PCDHA10: variants seen among roughly 807,000 people sequenced by gnomAD.
PCDHA10 encodes protocadherin alpha 10, also known as protocadherin alpha-10.
PCDHA10 carries 45 observed loss-of-function variants against 61.2 expected under a neutral mutation model. The ratio of observed to expected loss-of-function variants is 0.74; its 90% CI spans 0.58 to 0.94. The LOEUF is 0.94. PCDHA10 is among the 40% of genes least tolerant of loss of function. The probability of loss-of-function intolerance (pLI) is 0.00; values close to 1 mark genes in which losing one functional copy is unlikely to be tolerated. For missense variants in PCDHA10, 1,278 were observed against 1,236.2 expected, an observed-to-expected ratio of 1.03 and a Z score of -0.51; for synonymous variants, 602 against 548.8, an observed-to-expected ratio of 1.10 and a Z score of -1.35.
chr5:140,960,111 A>G (rs1554224465), intron 1 of PCDHA10, among the ~76,000 whole-genome samples: 1 of 152,256 alleles, frequency 6.6e-6, no homozygotes, highest in African/African-American at 2.4e-5. Flanking sequence ...TGTGGGAACA[A>G]TAGTATTCCT....
intron 1 of PCDHA10, chr5:140,966,581 G>A: frequency 1.9e-6 from 1 of 535,414 alleles, no homozygotes; most frequent in Non-Finnish European, 3.0e-6. Flanking sequence ...AGTCAGCGAG[G>A]ACGGTGGGGC....
chr5:140,970,933 G>T (rs782607345), intron 1 of PCDHA10, among the ~76,000 whole-genome samples: 6 of 152,176 alleles, frequency 3.9e-5, no homozygotes, highest in African/African-American at 9.7e-5. Context: ...CCTGGTGTTA[G>T]TCAATGCTGA....
At chr5:140,929,322 C>T in intron 1 of PCDHA10, 1 of 1,540,684 alleles carries the variant, frequency 6.5e-7, no homozygotes, top group Non-Finnish European at 8.8e-7. Context: ...ATGTCAATGC[C>T]ATGGTAAGCA....
At chr5:141,003,543 C>T (rs2098129407) in intron 3 of PCDHA10, among the ~76,000 whole-genome samples, 1 of 152,108 alleles carries the variant, frequency 6.6e-6, no homozygotes, top group Non-Finnish European at 1.5e-5. Context: ...GAACTCCTGG[C>T]TTCAAGTGAT....
chr5:140,987,155 A>G (rs2097233368), intron 3 of PCDHA10, among the ~76,000 whole-genome samples: 1 of 151,902 alleles, frequency 6.6e-6, no homozygotes, highest in South Asian at 2.1e-4. Context: ...TGGAGGTTGC[A>G]GTGAGCTGAG....
rs192756440 is a variant in PCDHA10, at chr5:140,876,883, G to C, written c.2388+18447G>C. On this transcript the variant is annotated intron_variant, in intron 1 of 3. Coordinates refer to ENST00000307360, the MANE Select transcript of PCDHA10 (RefSeq NM_018901.4). Reference sequence around the variant, plus strand: ...GTTCGTGAAGGAGAACAACCCGCCGGGCTGCCACATCTTCACGGTGTCGGC... The same window carrying C: ...GTTCGTGAAGGAGAACAACCCGCCGCGCTGCCACATCTTCACGGTGTCGGC... The C allele has an allele frequency of 2.2e-3, 3,631 of 1,614,132 alleles. 14 individuals are homozygous for C. Among genetic ancestry groups the C allele is most frequent in the Middle Eastern group, 9.1e-3 (55 of 6,048 alleles).
chr5:140,881,350 T>C, intron 1 of PCDHA10: 1 of 985,354 alleles, frequency 1.0e-6, no homozygotes, highest in Non-Finnish European at 1.2e-6. Flanking sequence ...CGGGCTACAA[T>C]GCGTGGCTTT....
chr5:140,883,625 C>G (rs1446947181), intron 1 of PCDHA10: 9 of 1,613,872 alleles, frequency 5.6e-6, no homozygotes, highest in Non-Finnish European at 6.8e-6. Context: ...CGACAACGCG[C>G]CGGCGTTCGC....
At position 140,855,964 on chromosome 5, in the gene PCDHA10, T is replaced by C; in HGVS notation, c.-85T>C. Reference sequence around the variant, plus strand: ...CTCAGCCATTTCGATAAAAAATAGATATAAGAAATAGGACAGAAAATGTCA... The same window carrying C: ...CTCAGCCATTTCGATAAAAAATAGACATAAGAAATAGGACAGAAAATGTCA... On this transcript the variant is annotated 5_prime_UTR_variant, in exon 1 of 4. Transcript: ENST00000307360. 3 of 1,408,442 alleles carry C rather than the reference T, an allele frequency of 2.1e-6. No individual in the cohort carries two copies. The highest frequency in any genetic ancestry group is 2.3e-5 in the Admixed American group (1 of 43,300). The allele number at this position is 1,408,442 out of a possible 1,614,324, so 87.2% of individuals were successfully genotyped here.
At position 140,870,584 on chromosome 5, in the gene PCDHA10, T is replaced by C. The variant is rs782563992; in HGVS notation, c.2388+12148T>C. The C allele has an allele frequency of 2.5e-6, 4 of 1,613,672 alleles. No homozygotes were observed. In the African/African-American group the frequency reaches 5.3e-5, roughly 22 times the overall value. On this transcript the variant is annotated intron_variant, in intron 1 of 3. Coordinates refer to ENST00000307360, the MANE Select transcript of PCDHA10 (RefSeq NM_018901.4). ...AACGCGCTGGTGTCCTACTCGCTGG[T>C]GGAGCGGCGGTTGGGCGACCGCGCG...
intron 1 of PCDHA10, chr5:140,928,708 T>C: frequency 1.2e-6 from 2 of 1,614,208 alleles, no homozygotes; most frequent in Non-Finnish European, 1.7e-6. Context: ...GGCGTCTGAC[T>C]CTAGTCTCTT....
chr5:140,927,363 GAT>G (rs1188531316), intron 1 of PCDHA10: 33 of 1,613,946 alleles, frequency 2.0e-5, no homozygotes, highest in Non-Finnish European at 2.7e-5. Context: ...GAAGCAATGG[GAT>G]ACTAAGCTAC....
In PCDHA10 at chr5:140,855,952, A is replaced by AT; in HGVS notation, c.-96dup. 7.2e-7 allele frequency: 1 copy of AT among 1,380,786 alleles called. No individual in the cohort carries two copies. The highest frequency in any genetic ancestry group is 1.4e-5 in the South Asian group (1 of 70,912). 85.5% of individuals were successfully genotyped at this position (1,380,786 alleles called of 1,614,324 possible). ...TCATTCTGAGATCTCAGCCATTTCG[A>AT]TAAAAAATAGATATAAGAAATAGGA... On this transcript the variant is annotated 5_prime_UTR_variant, in exon 1 of 4. Transcript: ENST00000307360.
chr5:140,965,648 GA>G (rs2095919572), intron 1 of PCDHA10, among the ~76,000 whole-genome samples: 1 of 152,128 alleles, frequency 6.6e-6, no homozygotes, highest in Non-Finnish European at 1.5e-5. Context: ...ACTCTTGAAA[GA>G]AAATGTCTTG....
chr5:140,925,061 C>T (rs968376229), intron 1 of PCDHA10, among the ~76,000 whole-genome samples: 2 of 147,510 alleles, frequency 1.4e-5, no homozygotes, highest in Non-Finnish European at 3.0e-5. Context: ...GACTGGGCAA[C>T]AAAGCAACAC....
intron 1 of PCDHA10, chr5:140,884,644 C>T (rs1554181804): frequency 6.2e-7 from 1 of 1,608,094 alleles, no homozygotes; most frequent in South Asian, 1.1e-5. Flanking sequence ...GGGAGGAGGA[C>T]TCAGAATGCT....
intron 1 of PCDHA10, among the ~76,000 whole-genome samples, chr5:140,944,398 G>C (rs1326523434): frequency 4.6e-5 from 7 of 152,104 alleles, no homozygotes; most frequent in African/African-American, 2.4e-5. Flanking sequence ...TGTTATCCAG[G>C]CTGGTCTCGA....
intron 1 of PCDHA10, among the ~76,000 whole-genome samples, chr5:140,921,683 C>T (rs1554200360): frequency 6.6e-6 from 1 of 152,154 alleles, no homozygotes; most frequent in East Asian, 1.9e-4. Flanking sequence ...TCATCAAACA[C>T]TGGCCACCTC....
At chr5:140,991,298 ATTATC>A (rs1361844877) in intron 3 of PCDHA10, among the ~76,000 whole-genome samples, 1 of 152,170 alleles carries the variant, frequency 6.6e-6, no homozygotes, top group African/African-American at 2.4e-5. Flanking sequence ...ACACATTACT[ATTATC>A]TTGTCCCGCA....
Sources: gnomAD v4.1 joint callset for allele counts (sites outside exome capture counted in the v4.1 genomes callset) on GRCh38, gnomAD v4.1.1 for gene constraint, MANE v1.5 for transcripts, NCBI Gene and HGNC (gene_info 2026-07-23, HGNC 2026-07-21) for gene names.